The following RGS6 variants were observed in gnomAD, a reference collection of about 807,000 sequenced individuals.
The protein encoded by RGS6 is regulator of G protein signaling 6.
Under a neutral mutation model 78.5 loss-of-function variants are expected in RGS6, and 30 were observed. That is an observed-to-expected ratio of 0.38 (90% CI 0.29 to 0.52). RGS6 has a LOEUF of 0.52. RGS6 is among the 20% of genes least tolerant of loss of function. The pLI, the probability that RGS6 is intolerant of heterozygous loss-of-function variation, is 0.85. For missense variants in RGS6, 495 were observed against 609.7 expected, an observed-to-expected ratio of 0.81 and a Z score of 1.98; for synonymous variants, 206 against 206.0, an observed-to-expected ratio of 1.00 and a Z score of 0.00.
chr14:72,136,458 G>C (rs760224178), intron 2 of RGS6, among the ~76,000 whole-genome samples: 1 of 152,180 alleles, frequency 6.6e-6, no homozygotes, highest in Non-Finnish European at 1.5e-5. Context: ...CATGGCTGGG[G>C]AGGCCTCACA....
intron 3 of RGS6, among the ~76,000 whole-genome samples, chr14:72,381,749 A>G (rs968239287): frequency 6.6e-6 from 1 of 152,152 alleles, no homozygotes; most frequent in African/African-American, 2.4e-5. Context: ...AATGATAAAT[A>G]CTGTGGTAAG....
At chr14:72,123,945 A>G (rs1024894072) in intron 2 of RGS6, among the ~76,000 whole-genome samples, 10 of 152,220 alleles carry the variant, frequency 6.6e-5, no homozygotes, top group African/African-American at 2.4e-4. Context: ...TCAGAGCATG[A>G]TGACTTTCAG....
At chr14:71,936,591 T>C (rs996423040) in intron 1 of RGS6, among the ~76,000 whole-genome samples, 1 of 149,432 alleles carries the variant, frequency 6.7e-6, no homozygotes, top group African/African-American at 2.6e-5. Flanking sequence ...AAGACAATAA[T>C]GAGGTCAAAA....
At chr14:71,959,658 G>C (rs2093048059) in intron 1 of RGS6, among the ~76,000 whole-genome samples, 1 of 151,878 alleles carries the variant, frequency 6.6e-6, no homozygotes, top group African/African-American at 2.4e-5. Flanking sequence ...ACCGCTGAAG[G>C]CTTCATCTCT....
At chr14:72,624,209 C>T in the RGS6 span, among the ~76,000 whole-genome samples, 1 of 151,898 alleles carries the variant, frequency 6.6e-6, no homozygotes, top group Non-Finnish European at 1.5e-5. Context: ...CTCACTGTGC[C>T]CTAATATTAA....
chr14:71,974,290 G>C (rs1016943875), intron 2 of RGS6, among the ~76,000 whole-genome samples: 2 of 152,172 alleles, frequency 1.3e-5, no homozygotes, highest in Admixed American at 6.5e-5. Context: ...TAAAAGTTCT[G>C]TTAGTTTGCC....
intron 15 of RGS6, among the ~76,000 whole-genome samples, chr14:72,534,337 T>A (rs1045379499): frequency 1.3e-5 from 2 of 152,248 alleles, no homozygotes; most frequent in Non-Finnish European, 2.9e-5. Flanking sequence ...AACATAACTT[T>A]TATGTGTACT....
intron 2 of RGS6, among the ~76,000 whole-genome samples, chr14:72,239,155 G>A (rs562039105): frequency 3.3e-5 from 5 of 152,076 alleles, no homozygotes; most frequent in South Asian, 4.1e-4. Context: ...CCCGTTTAAC[G>A]GTGATGCTAG....
At chr14:72,027,331 G>A (rs952110707) in intron 2 of RGS6, among the ~76,000 whole-genome samples, 4 of 152,102 alleles carry the variant, frequency 2.6e-5, no homozygotes, top group African/African-American at 9.7e-5. Flanking sequence ...GCCTCTTAGA[G>A]TCTCTTACTT....
intron 15 of RGS6, among the ~76,000 whole-genome samples, chr14:72,523,339 G>A (rs201952021): frequency 2.6e-5 from 4 of 152,068 alleles, no homozygotes; most frequent in East Asian, 3.9e-4. Context: ...TTCTCTTCTC[G>A]GTTTGCCTCT....
At chr14:72,218,770 C>T (rs2046194737) in intron 2 of RGS6, among the ~76,000 whole-genome samples, 1 of 151,992 alleles carries the variant, frequency 6.6e-6, no homozygotes, top group Non-Finnish European at 1.5e-5. Context: ...CACCACCATG[C>T]CCAGCTAATT....
At chr14:72,510,357 C>T in intron 14 of RGS6, 78 bp downstream of exon 14, 1 of 1,562,986 alleles carries the variant, frequency 6.4e-7, no homozygotes, top group Non-Finnish European at 8.8e-7. Flanking sequence ...ATCTCTCTCT[C>T]TCTCAATGAA....
intron 2 of RGS6, among the ~76,000 whole-genome samples, chr14:72,283,173 A>T (rs1251189396): frequency 1.3e-5 from 2 of 152,192 alleles, no homozygotes; most frequent in Non-Finnish European, 2.9e-5. Context: ...TCTTTCATCC[A>T]TCAATGAGAC....
intron 1 of RGS6, among the ~76,000 whole-genome samples, chr14:71,943,338 G>T (rs918310324): frequency 6.6e-6 from 1 of 152,178 alleles, no homozygotes; most frequent in Non-Finnish European, 1.5e-5. Context: ...GAAGTATGGG[G>T]CATAGAAAGC....
chr14:71,868,720 C>T, the RGS6 span, among the ~76,000 whole-genome samples: 1 of 152,196 alleles, frequency 6.6e-6, no homozygotes, highest in Non-Finnish European at 1.5e-5. Flanking sequence ...CTCCAGTGGA[C>T]ATTTTCTCAA....
chr14:72,135,586 A>G (rs1567281950), intron 2 of RGS6, among the ~76,000 whole-genome samples: 1 of 152,138 alleles, frequency 6.6e-6, no homozygotes, highest in Admixed American at 6.6e-5. Context: ...AGGAATAGTT[A>G]ACAAAATTGT....
At chr14:72,618,830 A>C in the RGS6 span, among the ~76,000 whole-genome samples, 1 of 152,230 alleles carries the variant, frequency 6.6e-6, no homozygotes, top group Non-Finnish European at 1.5e-5. Context: ...ACTTCTCCAC[A>C]GCCCTTTGTT....
chr14:71,899,492 G>A, the RGS6 span, among the ~76,000 whole-genome samples: 1 of 152,168 alleles, frequency 6.6e-6, no homozygotes, highest in Non-Finnish European at 1.5e-5. Flanking sequence ...TGTTGTTTAG[G>A]TACGGTACAC....
At chr14:72,140,693 A>G (rs1033436360) in intron 2 of RGS6, among the ~76,000 whole-genome samples, 1 of 152,248 alleles carries the variant, frequency 6.6e-6, no homozygotes, top group Non-Finnish European at 1.5e-5. Flanking sequence ...ATTAGCCAGT[A>G]TGGAGCCAGC....
Sources: allele counts gnomAD v4.1 joint callset (sites outside exome capture counted in the v4.1 genomes callset), GRCh38; gene constraint gnomAD v4.1.1; transcripts MANE v1.5; gene names NCBI Gene and HGNC (gene_info 2026-07-23, HGNC 2026-07-21).